Variants in VPS13A observed in about 807,000 individuals in gnomAD.
The protein encoded by VPS13A is vacuolar protein sorting 13 homolog A, also known as intermembrane lipid transfer protein VPS13A.
Under a neutral mutation model 390.9 loss-of-function variants are expected in VPS13A, and 264 were observed. That is an observed-to-expected ratio of 0.68 (90% CI 0.61 to 0.75). The LOEUF is 0.75. VPS13A is among the 30% of genes least tolerant of loss of function. VPS13A has a pLI of 0.00. For synonymous variants in VPS13A, 1,231 were observed against 1,227.1 expected (o/e 1.00, Z -0.07); for missense variants, 3,409 against 3,733.9 (o/e 0.91, Z 2.27).
rs11325886 is a variant in VPS13A at position 77,406,143 on chromosome 9, GA to G, written c.9399+171del. On this transcript the variant is annotated intron_variant, in intron 70 of 71. Coordinates refer to ENST00000360280, the MANE Select transcript of VPS13A (RefSeq NM_033305.3). ...CCTGCTATCTTACCCAGGCTTAAAG[GA>G]AAAAAAAAAAAAAACTAGGCCAAGA... Among the ~76,000 whole-genome samples the G allele has an allele frequency of 0.4, 55,841 of 139,578 alleles. 11,025 individuals carry two copies. Among genetic ancestry groups the G allele is most frequent in the African/African-American group, 0.53 (20,429 of 38,656 alleles). 91.6% of individuals were successfully genotyped at this position (139,578 alleles called of 152,430 possible). A position where few individuals can be genotyped will look rare whatever the true frequency, so the allele number is the denominator to read the frequency against.
chr9:77,379,065 C>CTTTTTTTTTTTT (rs71503211), intron 67 of VPS13A, among the ~76,000 whole-genome samples: 20 of 72,408 alleles, frequency 2.8e-4, no homozygotes, highest in Middle Eastern at 0.016. Context: ...ATTTTCAGTC[C>CTTTTTTTTTTTT]TTTTTTTTTT....
chr9:77,209,386 T>C, intron 5 of VPS13A, 37 bp from the exon 6 acceptor site: 1 of 1,418,614 alleles, frequency 7.0e-7, no homozygotes. Context: ...AGTATATTTT[T>C]CATTCAATTT....
At chr9:77,286,800 GA>G (rs1440013053) in intron 31 of VPS13A, among the ~76,000 whole-genome samples, 3 of 152,156 alleles carry the variant, frequency 2.0e-5, no homozygotes, top group Non-Finnish European at 4.4e-5. Flanking sequence ...TTTCCGTTGA[GA>G]AAAATACTAT....
intron 71 of VPS13A, among the ~76,000 whole-genome samples, chr9:77,411,367 CAATT>C (rs1011120238): frequency 3.3e-5 from 5 of 152,138 alleles, no homozygotes; most frequent in Admixed American, 2.6e-4. Flanking sequence ...CCTAACATCA[CAATT>C]AAAAGAACTA....
At chr9:77,236,138 T>C (rs933236347) in intron 17 of VPS13A, among the ~76,000 whole-genome samples, 1 of 152,202 alleles carries the variant, frequency 6.6e-6, no homozygotes, top group African/African-American at 2.4e-5. Context: ...TTATGACATA[T>C]TCAACTTACA....
chr9:77,324,990 A>G (rs1011958546), intron 45 of VPS13A, among the ~76,000 whole-genome samples: 3 of 152,172 alleles, frequency 2.0e-5, no homozygotes, highest in Non-Finnish European at 4.4e-5. Flanking sequence ...TTCCTTTCTT[A>G]GGAATAGAAA....
chr9:77,241,508 A>T, intron 19 of VPS13A, among the ~76,000 whole-genome samples: 1 of 147,836 alleles, frequency 6.8e-6, no homozygotes, highest in Non-Finnish European at 1.5e-5. Context: ...CTCTCTCTTC[A>T]GATAGTCCGT....
chr9:77,265,501 G>A (rs977065278), intron 23 of VPS13A, among the ~76,000 whole-genome samples: 3 of 152,024 alleles, frequency 2.0e-5, no homozygotes, highest in Non-Finnish European at 4.4e-5. Context: ...TCAGGGATTC[G>A]ACTTCTTCCT....
At position 77,267,730 on chromosome 9, in the gene VPS13A, A is replaced by G. The variant is rs1415182683; in HGVS notation, c.2428-5550A>G. The stretch of plus-strand genomic sequence containing the variant: ...ATCCACTGCTCTCTTCAGAGCCAGC[A>G]AGCAGGAATGTTTAAGTCTGCTGAA... On this transcript the variant is annotated intron_variant, in intron 23 of 71. Transcript: ENST00000360280. Among the ~76,000 whole-genome samples, 7 of 152,292 alleles carry G rather than the reference A, an allele frequency of 4.6e-5. No homozygotes were observed. The South Asian group carries it at 8.3e-4, about 18-fold the overall frequency.
At chr9:77,382,559 C>A in intron 68 of VPS13A, 1 of 1,155,624 alleles carries the variant, frequency 8.7e-7, no homozygotes, top group Non-Finnish European at 1.1e-6. Flanking sequence ...TAAACCATTT[C>A]TGTTGTGGGG....
intron 36 of VPS13A, 52 bp from the exon 37 acceptor site, chr9:77,314,441 TAC>T (rs1227398887): frequency 6.5e-7 from 1 of 1,538,744 alleles, no homozygotes; most frequent in African/African-American, 1.4e-5. Context: ...TATCATGAAA[TAC>T]ACTTTAGACT....
At chr9:77,322,513 AATT>A (rs2131453153) in intron 44 of VPS13A, among the ~76,000 whole-genome samples, 1 of 151,938 alleles carries the variant, frequency 6.6e-6, no homozygotes, top group South Asian at 2.1e-4. Context: ...ATAGCGTTGT[AATT>A]AATGTTCTTA....
At chr9:77,192,652 A>T (rs773225098) in intron 1 of VPS13A, among the ~76,000 whole-genome samples, 27 of 152,176 alleles carry the variant, frequency 1.8e-4, no homozygotes, top group Non-Finnish European at 3.2e-4. Context: ...TTCTTTAAGG[A>T]TGCTGAATTA....
intron 17 of VPS13A, among the ~76,000 whole-genome samples, chr9:77,229,970 A>C (rs775579871): frequency 1.3e-5 from 2 of 152,284 alleles, no homozygotes; most frequent in East Asian, 3.9e-4. Context: ...TCTAGTGAGT[A>C]TGAAATGGTA....
chr9:77,378,366 A>G (rs1459114299), intron 67 of VPS13A, among the ~76,000 whole-genome samples: 4 of 152,066 alleles, frequency 2.6e-5, no homozygotes, highest in African/African-American at 9.7e-5. Context: ...TTCTTGAGTC[A>G]TTGTCAGTAG....
intron 27 of VPS13A, among the ~76,000 whole-genome samples, chr9:77,280,545 T>C (rs759824803): frequency 1.3e-5 from 2 of 152,170 alleles, no homozygotes; most frequent in African/African-American, 2.4e-5. Context: ...GTGTATTGTT[T>C]TATGTGATAC....
intron 45 of VPS13A, among the ~76,000 whole-genome samples, chr9:77,325,777 C>T (rs1829989169): frequency 6.6e-6 from 1 of 152,158 alleles, no homozygotes; most frequent in Non-Finnish European, 1.5e-5. Context: ...TATACTTCCA[C>T]TTCTCATCTC....
At chr9:77,308,223 T>G in intron 35 of VPS13A, 125 bp downstream of exon 35, 1 of 1,076,590 alleles carries the variant, frequency 9.3e-7, no homozygotes, top group Non-Finnish European at 1.4e-6. Context: ...CTTTCCTTCT[T>G]TCTTTCCTTC....
intron 59 of VPS13A, among the ~76,000 whole-genome samples, chr9:77,364,197 G>A (rs1218240600): frequency 6.6e-6 from 1 of 152,048 alleles, no homozygotes; most frequent in African/African-American, 2.4e-5. Context: ...AGGCCAAGGT[G>A]GGTAGATCAC....
Sources: gnomAD v4.1 joint callset for allele counts (sites outside exome capture counted in the v4.1 genomes callset) on GRCh38, gnomAD v4.1.1 for gene constraint, MANE v1.5 for transcripts, NCBI Gene and HGNC (gene_info 2026-07-23, HGNC 2026-07-21) for gene names.